The following PAH variants were observed in gnomAD, a reference collection of about 807,000 sequenced individuals.
PAH encodes phenylalanine hydroxylase, also known as phenylalanine-4-hydroxylase.
Under a neutral mutation model 62.0 loss-of-function variants are expected in PAH, and 64 were observed. The ratio of observed to expected loss-of-function variants is 1.03; its 90% CI spans 0.84 to 1.27. PAH has a LOEUF of 1.27. Among genes scored for constraint, PAH ranks in the 50% most tolerant of loss-of-function variants. PAH has a pLI of 0.00. For synonymous variants in PAH, 195 were observed against 196.2 expected, an observed-to-expected ratio of 0.99 and a Z score of 0.05; for missense variants, 579 against 542.8, an observed-to-expected ratio of 1.07 and a Z score of -0.66.
At chr12:102,901,103 G>C (rs1877733266) in intron 2 of PAH, among the ~76,000 whole-genome samples, 1 of 152,086 alleles carries the variant, frequency 6.6e-6, no homozygotes, top group Non-Finnish European at 1.5e-5. Flanking sequence ...TTTCTAAAGG[G>C]GGATTGGTCA....
At chr12:102,871,949 AATATATAT>A (rs1232144620) in intron 4 of PAH, among the ~76,000 whole-genome samples, 338 of 30,182 alleles carry the variant, frequency 0.011, 1 homozygote, top group East Asian at 0.048. Flanking sequence ...AAAAAAAAAA[AATATATAT>A]ATATATATAT....
chr12:102,910,592 G>T (rs745515392), intron 2 of PAH, among the ~76,000 whole-genome samples: 1 of 152,056 alleles, frequency 6.6e-6, no homozygotes, highest in Non-Finnish European at 1.5e-5. Context: ...GGATGGTCTC[G>T]ATCTCCTGAC....
intron 8 of PAH, 42 bp downstream of exon 8, chr12:102,851,645 T>C: frequency 1.3e-6 from 2 of 1,550,160 alleles, no homozygotes; most frequent in Non-Finnish European, 1.8e-6. Flanking sequence ...GAAATTCAGG[T>C]CACAGACCTA....
intron 2 of PAH, among the ~76,000 whole-genome samples, chr12:102,910,955 CCTGGGAGAT>C (rs1484714443): frequency 2.0e-5 from 3 of 152,160 alleles, no homozygotes; most frequent in African/African-American, 7.2e-5. Flanking sequence ...CTCCGCCAAC[CCTGGGAGAT>C]CTGGCAGGGG....
intron 1 of PAH, among the ~76,000 whole-genome samples, chr12:102,936,623 C>T (rs1879108892): frequency 6.6e-6 from 1 of 152,166 alleles, no homozygotes; most frequent in Non-Finnish European, 1.5e-5. Flanking sequence ...ACCACTTTAT[C>T]ATTATATAAT....
At chr12:102,926,661 T>C (rs1878692042) in intron 1 of PAH, among the ~76,000 whole-genome samples, 1 of 152,094 alleles carries the variant, frequency 6.6e-6, no homozygotes, top group Non-Finnish European at 1.5e-5. Flanking sequence ...TTTGTGAGCA[T>C]ATTTCTAAAC....
chr12:102,893,729 AG>A (rs1407757214), intron 3 of PAH, among the ~76,000 whole-genome samples: 2 of 152,260 alleles, frequency 1.3e-5, no homozygotes, highest in Admixed American at 1.3e-4. Flanking sequence ...TTCAACTTCA[AG>A]CCCACACTTA....
At chr12:102,897,213 G>A (rs1877540888) in intron 2 of PAH, among the ~76,000 whole-genome samples, 2 of 151,948 alleles carry the variant, frequency 1.3e-5, no homozygotes, top group Admixed American at 1.3e-4. Flanking sequence ...GAGGATCCAT[G>A]TTTCTCACCT....
chr12:102,859,343 A>T (rs1592957186), intron 5 of PAH, among the ~76,000 whole-genome samples: 2 of 152,194 alleles, frequency 1.3e-5, no homozygotes, highest in Admixed American at 6.5e-5. Context: ...TAGCCTACCC[A>T]CCAAAAAAAG....
At chr12:102,950,784 C>T (rs2136776811) in exon 1 of PAH, 1 of 152,326 alleles carries the variant, frequency 6.6e-6, no homozygotes, top group East Asian at 1.9e-4. Context: ...AGCCCTTCCT[C>T]GCGGATGAGA....
At chr12:102,846,360 A>G (rs933537122) in intron 9 of PAH, among the ~76,000 whole-genome samples, 1 of 152,196 alleles carries the variant, frequency 6.6e-6, no homozygotes, top group Non-Finnish European at 1.5e-5. Flanking sequence ...GGTGGGATGT[A>G]CTAAAATTAG....
At position 102,908,837 on chromosome 12, in the gene PAH, C is replaced by CTTTTTTTTTTT. The variant is rs3062641; in HGVS notation, c.168+3943_168+3953dup. Among the ~76,000 whole-genome samples, 3 of 120,004 alleles carry CTTTTTTTTTTT rather than the reference C, an allele frequency of 2.5e-5. 1 individual carries two copies. Among genetic ancestry groups the CTTTTTTTTTTT allele is most frequent in the Admixed American group, 1.9e-4 (2 of 10,340 alleles). 78.7% of individuals were successfully genotyped at this position (120,004 alleles called of 152,430 possible). ...CACGTTACATTTAGTCCTCATGTCT[C>CTTTTTTTTTTT]TTTTTTTTTTTTTTTTTTTTTGAGA... On this transcript the variant is annotated intron_variant, in intron 2 of 12. Coordinates refer to ENST00000553106, the MANE Select transcript of PAH (RefSeq NM_000277.3).
rs917565928 is a variant in PAH at position 102,957,357 on chromosome 12, C to A, written c.-96+838G>T. ...GCCCCCCACCCCCTTCCTAAAGCCA[C>A]CCCCGGCAGCAGCCCGCCCCGAGCG... On this transcript the variant is annotated intron_variant, in intron 1 of 4. Coordinates refer to the PAH transcript ENST00000551337. The surrounding 1 kb of genome is among the most constrained non-coding windows in gnomAD (Gnocchi z 4.1). 2.0e-5 allele frequency among the ~76,000 whole-genome samples: 3 copies of A among 152,166 alleles called. No homozygotes were observed. The highest frequency in any genetic ancestry group is 7.2e-5 in the African/African-American group (3 of 41,440).
exon 1 of PAH, chr12:102,950,629 G>T (rs1498696): frequency 0.24 from 36,810 of 152,194 alleles, 4,645 homozygotes; most frequent in Middle Eastern, 0.32. Flanking sequence ...TCCGGAGGCG[G>T]CAGGAACGTT....
At chr12:102,882,470 A>G (rs1301869118) in intron 3 of PAH, among the ~76,000 whole-genome samples, 1 of 152,124 alleles carries the variant, frequency 6.6e-6, no homozygotes, top group East Asian at 1.9e-4. Flanking sequence ...TTGCTTTATA[A>G]GAACAACATG....
chr12:102,945,924 GC>G (rs1879476303), intron 1 of PAH: 1 of 152,046 alleles, frequency 6.6e-6, no homozygotes, highest in South Asian at 2.1e-4. Flanking sequence ...TGAAGCCAAG[GC>G]CCATGGAATA....
At chr12:102,897,333 G>A (rs1877545002) in intron 2 of PAH, among the ~76,000 whole-genome samples, 1 of 151,506 alleles carries the variant, frequency 6.6e-6, no homozygotes. Flanking sequence ...ATTTTTCCTA[G>A]GTTTAGTGGC....
intron 5 of PAH, among the ~76,000 whole-genome samples, chr12:102,856,413 C>T (rs1018970714): frequency 6.6e-6 from 1 of 152,234 alleles, no homozygotes; most frequent in African/African-American, 2.4e-5. Context: ...GGGGGCAGTG[C>T]ATAGCCAAAC....
At chr12:102,855,454 T>C in intron 5 of PAH, 122 bp from the exon 6 acceptor site, 1 of 718,934 alleles carries the variant, frequency 1.4e-6, no homozygotes, top group Non-Finnish European at 2.5e-6. Flanking sequence ...CTACAGTGAA[T>C]TTCATACATT....
Sources: allele counts gnomAD v4.1 joint callset (sites outside exome capture counted in the v4.1 genomes callset), GRCh38; gene constraint gnomAD v4.1.1; non-coding constraint Gnocchi (gnomAD v3.1); transcripts MANE v1.5; gene names NCBI Gene and HGNC (gene_info 2026-07-23, HGNC 2026-07-21).